RTL1: variants seen among roughly 807,000 people sequenced by gnomAD.
The protein encoded by RTL1 is retrotransposon-like protein 1.
For missense variants in RTL1, 1,681 were observed against 1,767.5 expected (o/e 0.95, Z 0.88); for synonymous variants, 727 against 748.4 (o/e 0.97, Z 0.47).
rs553476713 is a variant in RTL1 at position 100,889,256 on chromosome 14, G to C, written c.-87+4188C>G. 5.3e-5 allele frequency among the ~76,000 whole-genome samples: 8 copies of C among 152,228 alleles called. No individual in the cohort carries two copies. The South Asian group carries it at 1.7e-3, about 32-fold the overall frequency. On this transcript the variant is annotated intron_variant, in intron 3 of 3. Coordinates refer to ENST00000649591, the MANE Select transcript of RTL1 (RefSeq NM_001134888.3). ...ACAAAAAGCCTCACCATTTTAGCAA[G>C]GCACCCACTTTTAATCATGGCACTC...
chr14:100,879,914 A>G lies in RTL1; in HGVS notation c.*798T>C, dbSNP rs1366851475. 6.6e-6 allele frequency among the ~76,000 whole-genome samples: 1 copy of G among 151,652 alleles called. No individual in the cohort carries two copies. The highest frequency in any genetic ancestry group is 1.5e-5 in the Non-Finnish European group (1 of 67,918). ...GTGTCTGTGTGCCTTCTGGGACTCC[A>G]TCCCTGTATGAGGGGCCCCTGCACC... On this transcript the variant is annotated 3_prime_UTR_variant, in exon 4 of 4. Coordinates refer to ENST00000649591, the MANE Select transcript of RTL1 (RefSeq NM_001134888.3).
chr14:100,883,045 C>G lies in RTL1; in HGVS notation c.1744G>C (p.Asp582His). The G allele has an allele frequency of 6.2e-7, 1 of 1,614,136 alleles. No homozygotes were observed. Among genetic ancestry groups the G allele is most frequent in the Non-Finnish European group, 8.5e-7 (1 of 1,180,022 alleles). Reference sequence around the variant, plus strand: ...GATTCAGAAAGATCATCGGATCCGTCTGAGCTTGGCTGGTCGGAAGTCTCA... The same window carrying G: ...GATTCAGAAAGATCATCGGATCCGTGTGAGCTTGGCTGGTCGGAAGTCTCA... ...DDETSDQPSS[D>H]GSDDLSESEP... is the part of the protein sequence containing the mutation. Residue 582 changes from aspartate to histidine, a missense_variant, in exon 4 of 4, where the codon GAC becomes CAC. Physicochemically the swap from Asp to His is moderately conservative, Grantham distance 81 (BLOSUM62 -1). Transcript: ENST00000649591. This position sits in a 1 kb window ranked among gnomAD's most constrained non-coding sequence, Gnocchi z 5.9.
At chr14:100,891,457 C>T (rs1004144905) in intron 3 of RTL1, among the ~76,000 whole-genome samples, 12 of 152,194 alleles carry the variant, frequency 7.9e-5, no homozygotes, top group African/African-American at 2.7e-4. Flanking sequence ...AACCACCCAG[C>T]AGGGTGGGGG....
Position 100,883,211 on chromosome 14 carries a change from G to C in RTL1, c.1578C>G (p.His526Gln), listed in dbSNP as rs977921174. ...AGCAGTTCTTCAGGCAGTAGGGAGAGTGGAAGGTGCAGCGGCCTTTGATCC... is the reference window on the plus strand; with the variant it reads ...AGCAGTTCTTCAGGCAGTAGGGAGACTGGAAGGTGCAGCGGCCTTTGATCC... ...VDWIKGRCTF[H>Q]SPYCLKNCFR... Residue 526 changes from histidine to glutamine, a missense_variant, in exon 4 of 4, where the codon CAC (histidine) becomes CAG (glutamine). His to Gln is a conservative substitution (Grantham distance 24). Coordinates refer to ENST00000649591, the MANE Select transcript of RTL1 (RefSeq NM_001134888.3). The surrounding 1 kb of genome is among the most constrained non-coding windows in gnomAD (Gnocchi z 5.9). 1 of 1,556,284 alleles carries C rather than the reference G, an allele frequency of 6.4e-7. No homozygotes were observed. Among genetic ancestry groups the C allele is most frequent in the African/African-American group, 1.4e-5 (1 of 73,342 alleles).
At chr14:100,887,351 C>T (rs2038708792) in intron 3 of RTL1, among the ~76,000 whole-genome samples, 1 of 152,166 alleles carries the variant, frequency 6.6e-6, no homozygotes, top group East Asian at 1.9e-4. Flanking sequence ...CTCTTAATTA[C>T]CTATGAGATA....
At chr14:100,895,381 C>G (rs191564839) in intron 2 of RTL1, among the ~76,000 whole-genome samples, 1 of 152,034 alleles carries the variant, frequency 6.6e-6, no homozygotes, top group East Asian at 1.9e-4. Context: ...TCATCCTCCC[C>G]GTCTTACATA....
intron 3 of RTL1, among the ~76,000 whole-genome samples, chr14:100,885,822 C>T (rs1399531431): frequency 6.6e-6 from 1 of 152,184 alleles, no homozygotes; most frequent in Non-Finnish European, 1.5e-5. Flanking sequence ...CAATCTTATC[C>T]TCCCAGGTCC....
In RTL1 at chr14:100,882,188, G is replaced by A. The variant is rs893527216; in HGVS notation, c.2601C>T (p.His867=). 3 of 1,550,374 alleles carry A rather than the reference G, an allele frequency of 1.9e-6. No homozygotes were observed. Among genetic ancestry groups the A allele is most frequent in the Non-Finnish European group, 2.6e-6 (3 of 1,146,990 alleles). The change falls in exon 4 of 4, where the codon CAC becomes CAT. Residue 867 remains histidine (H), a synonymous_variant. Transcript: ENST00000649591. ...KRAFRKAPLL[H]HPKPQNPFYL... Reference sequence around the variant, plus strand: ...AGAATGGGTTCTGGGGCTTGGGGTGGTGGAGGAGAGGCGCCTTGCGGAAAG... The same window carrying A: ...AGAATGGGTTCTGGGGCTTGGGGTGATGGAGGAGAGGCGCCTTGCGGAAAG...
At chr14:100,897,555 T>C (rs936734822) in intron 2 of RTL1, 1 of 152,204 alleles carries the variant, frequency 6.6e-6, no homozygotes. Context: ...GTTTATTTTT[T>C]ACATAAACTA....
Position 100,884,069 on chromosome 14 carries a change from A to G in RTL1, c.720T>C (p.Tyr240=). 12 of 1,551,752 alleles carry G rather than the reference A, an allele frequency of 7.7e-6. No individual in the cohort carries two copies. The highest frequency in any genetic ancestry group is 1.0e-5 in the Non-Finnish European group (12 of 1,146,998). ...CCAAGCCGGACAGGTGATTGATGAC[A>G]TAGCCAACTCTCAGACGGTCGTTAT... ...MFYNDRLRVG[Y]VINHLSGLAL... Residue 240 remains tyrosine (Y), a synonymous_variant, in exon 4 of 4, where the codon TAT becomes TAC. Transcript: ENST00000649591.
At chr14:100,898,798 C>T (rs1364474266) in intron 2 of RTL1, among the ~76,000 whole-genome samples, 1 of 152,258 alleles carries the variant, frequency 6.6e-6, no homozygotes, top group African/African-American at 2.4e-5. Context: ...AGATGGGCCC[C>T]ACGAAACACT....
chr14:100,889,922 T>C (rs952413452), intron 3 of RTL1, among the ~76,000 whole-genome samples: 6 of 152,196 alleles, frequency 3.9e-5, no homozygotes, highest in Admixed American at 6.5e-5. Flanking sequence ...GCCTACCAGC[T>C]GGCCTGCCAT....
rs1233517901 is a variant in RTL1 at position 100,883,352 on chromosome 14, C to T, written c.1437G>A (p.Leu479=). Residue 479 remains leucine, a synonymous_variant, in exon 4 of 4, where the codon CTG becomes CTA. Coordinates refer to ENST00000649591, the MANE Select transcript of RTL1 (RefSeq NM_001134888.3). This position sits in a 1 kb window ranked among gnomAD's most constrained non-coding sequence, Gnocchi z 5.9. The part of the protein sequence containing the change: ...NEPVWLYTEP[L]VCIHQNHQES... ...CCTGGTGGTTCTGGTGGATACACAC[C>T]AGGGGCTCCGTGTAGAGCCAGACAG... 3.2e-5 allele frequency: 49 copies of T among 1,551,390 alleles called. No homozygotes were observed. In the East Asian group the frequency reaches 1.2e-3, roughly 38 times the overall value.
At chr14:100,894,214 G>T (rs1309276618) in intron 2 of RTL1, among the ~76,000 whole-genome samples, 1 of 150,546 alleles carries the variant, frequency 6.6e-6, no homozygotes, top group East Asian at 2.0e-4. Context: ...GGAGGCTGAG[G>T]TAGGAGAATT....
At chr14:100,890,943 G>T (rs867577676) in intron 3 of RTL1, among the ~76,000 whole-genome samples, 1 of 152,254 alleles carries the variant, frequency 6.6e-6, no homozygotes, top group South Asian at 2.1e-4. Flanking sequence ...TGTTGAACTC[G>T]TGTCAAGGTT....
Position 100,882,742 on chromosome 14 carries a change from C to A in RTL1, c.2047G>T (p.Glu683Ter). The part of the protein sequence containing the change: ...VEESVNGHRT[E>*]DVWKAAFGLE... ...CCAAACGCTGCTTTCCACACATCTT[C>A]GGTGCGGTGCCCGTTCACGCTTTCC... Residue 683 changes from glutamate to a stop codon, truncating the protein, a stop_gained, in exon 4 of 4, where the codon GAA becomes TAA. Transcript: ENST00000649591. LOFTEE classifies it low-confidence loss of function (END_TRUNC). 1 of 1,551,932 alleles carries A rather than the reference C, an allele frequency of 6.4e-7. No individual in the cohort carries two copies.
At chr14:100,896,718 TA>T (rs1484707211) in intron 2 of RTL1, among the ~76,000 whole-genome samples, 4 of 152,184 alleles carry the variant, frequency 2.6e-5, no homozygotes, top group African/African-American at 9.7e-5. Flanking sequence ...CAGTGCCGTT[TA>T]GCCACAGTCC....
chr14:100,900,901 A>C (rs11847851), intron 2 of RTL1, among the ~76,000 whole-genome samples: 2,715 of 152,340 alleles, frequency 0.018, 75 homozygotes, highest in African/African-American at 0.062. Flanking sequence ...TAATAGGTTA[A>C]AACAACAGCA....
chr14:100,900,039 G>C (rs1027705856), intron 2 of RTL1, among the ~76,000 whole-genome samples: 3 of 152,248 alleles, frequency 2.0e-5, no homozygotes, highest in African/African-American at 7.2e-5. Flanking sequence ...GCCGGGGAAG[G>C]GGCTGCCCTA....
Sources: allele counts gnomAD v4.1 joint callset (sites outside exome capture counted in the v4.1 genomes callset), GRCh38; gene constraint gnomAD v4.1.1; non-coding constraint Gnocchi (gnomAD v3.1); transcripts MANE v1.5; gene names NCBI Gene and HGNC (gene_info 2026-07-23, HGNC 2026-07-21).